ADAMTS17: variants seen among roughly 807,000 people sequenced by gnomAD.
ADAMTS17 encodes ADAM metallopeptidase with thrombospondin type 1 motif 17.
Under a neutral mutation model 141.5 loss-of-function variants are expected in ADAMTS17, and 113 were observed. That is an observed-to-expected ratio of 0.80 (90% CI 0.69 to 0.93). The LOEUF (loss-of-function observed/expected upper bound fraction) is 0.93, where lower values mean the gene tolerates loss of function less well. ADAMTS17 is among the 40% of genes least tolerant of loss of function. The pLI is 0.00. For missense variants in ADAMTS17, 1,659 were observed against 1,517.9 expected (o/e 1.09, Z -1.54); for synonymous variants, 768 against 630.6 (o/e 1.22, Z -3.27).
chr15:100,157,013 C>A (rs552725454), intron 8 of ADAMTS17, among the ~76,000 whole-genome samples: 33 of 152,306 alleles, frequency 2.2e-4, no homozygotes, highest in African/African-American at 7.2e-4. Flanking sequence ...AGGAAACTTA[C>A]AATCATGGCA....
intron 3 of ADAMTS17, among the ~76,000 whole-genome samples, chr15:100,301,144 A>G (rs548414676): frequency 5.9e-4 from 90 of 152,216 alleles, no homozygotes; most frequent in Non-Finnish European, 1.0e-3. Flanking sequence ...ACCACCTTTT[A>G]AGTTGTGTTT....
intron 10 of ADAMTS17, among the ~76,000 whole-genome samples, chr15:100,142,913 C>A (rs912883051): frequency 1.7e-4 from 26 of 152,170 alleles, no homozygotes; most frequent in Admixed American, 1.4e-3. Flanking sequence ...ACATGCACAC[C>A]TCGGGTCCTT....
chr15:100,262,538 A>G, intron 4 of ADAMTS17, 103 bp from the exon 5 acceptor site: 1 of 824,014 alleles, frequency 1.2e-6, no homozygotes, highest in Non-Finnish European at 1.9e-6. Context: ...AGATTATGTA[A>G]AAATAAGGAA....
chr15:100,009,445 T>A (rs2061113726), intron 18 of ADAMTS17, among the ~76,000 whole-genome samples: 1 of 152,192 alleles, frequency 6.6e-6, no homozygotes, highest in Admixed American at 6.5e-5. Context: ...CAGAAGGACC[T>A]GGACAGACCC....
chr15:100,210,972 G>C (rs2041782838), intron 7 of ADAMTS17, among the ~76,000 whole-genome samples: 1 of 152,054 alleles, frequency 6.6e-6, no homozygotes, highest in South Asian at 2.1e-4. Flanking sequence ...GTGGTGGCAG[G>C]CACCTGTAGT....
At chr15:100,009,555 TCA>T (rs1178573269) in intron 18 of ADAMTS17, among the ~76,000 whole-genome samples, 1 of 152,190 alleles carries the variant, frequency 6.6e-6, no homozygotes, top group Non-Finnish European at 1.5e-5. Flanking sequence ...TGCTCTCATG[TCA>T]CAGGCTTGTT....
intron 4 of ADAMTS17, among the ~76,000 whole-genome samples, chr15:100,278,147 GA>G (rs890657264): frequency 1.3e-5 from 2 of 152,118 alleles, no homozygotes; most frequent in African/African-American, 4.8e-5. Context: ...GGGGGAGAGG[GA>G]AAGGGGGAAG....
chr15:100,030,490 G>A (rs986216436), intron 18 of ADAMTS17, among the ~76,000 whole-genome samples: 1 of 152,142 alleles, frequency 6.6e-6, no homozygotes, highest in South Asian at 2.1e-4. Context: ...GGTCTGTAAT[G>A]AGCCACCTGG....
intron 8 of ADAMTS17, among the ~76,000 whole-genome samples, chr15:100,183,306 C>T (rs6598309): frequency 0.069 from 10,499 of 152,188 alleles, 540 homozygotes; most frequent in East Asian, 0.17. Context: ...CTGATACAAG[C>T]TTATATCTTC....
In ADAMTS17 at chr15:100,239,952, T is replaced by C. The variant is rs575020336; in HGVS notation, c.1075+14184A>G. Among the ~76,000 whole-genome samples the C allele has an allele frequency of 1.4e-4, 21 of 152,248 alleles. No homozygotes were observed. The East Asian group carries it at 4.1e-3, about 29-fold the overall frequency. On this transcript the variant is annotated intron_variant, in intron 7 of 21. Transcript: ENST00000268070. ...GAGGTGGTCTCCAGGTGAAAACCTTTACCTGATGTCCTGCTACCAGATGTC... is the reference window on the plus strand; with the variant it reads ...GAGGTGGTCTCCAGGTGAAAACCTTCACCTGATGTCCTGCTACCAGATGTC...
At chr15:100,082,590 G>C (rs2034819326) in intron 15 of ADAMTS17, among the ~76,000 whole-genome samples, 1 of 151,972 alleles carries the variant, frequency 6.6e-6, no homozygotes, top group Non-Finnish European at 1.5e-5. Flanking sequence ...GTTTCGCCAT[G>C]TTGCTCAGGC....
intron 12 of ADAMTS17, among the ~76,000 whole-genome samples, chr15:100,124,699 G>A (rs28477607): frequency 0.022 from 3,377 of 152,310 alleles, 113 homozygotes; most frequent in African/African-American, 0.078. Context: ...GTGCTTCTTT[G>A]TATATTCTAC....
intron 15 of ADAMTS17, among the ~76,000 whole-genome samples, chr15:100,068,667 T>A (rs140038907): frequency 0.042 from 6,313 of 152,106 alleles, 454 homozygotes; most frequent in African/African-American, 0.14. Flanking sequence ...TCCAGCAAAA[T>A]CCAACAGACC....
intron 3 of ADAMTS17, among the ~76,000 whole-genome samples, chr15:100,320,416 T>G (rs1162018454): frequency 6.6e-6 from 1 of 152,038 alleles, no homozygotes; most frequent in Non-Finnish European, 1.5e-5. Context: ...TTACACAGAA[T>G]CTAAAATCAG....
At chr15:100,239,845 G>T (rs903536184) in intron 7 of ADAMTS17, among the ~76,000 whole-genome samples, 2 of 152,158 alleles carry the variant, frequency 1.3e-5, no homozygotes, top group Non-Finnish European at 2.9e-5. Flanking sequence ...CCCTGGAGTG[G>T]AGGGATGGTG....
At chr15:100,091,623 G>A (rs920918856) in intron 15 of ADAMTS17, among the ~76,000 whole-genome samples, 2 of 152,160 alleles carry the variant, frequency 1.3e-5, no homozygotes, top group African/African-American at 4.8e-5. Flanking sequence ...TTCTCAAGTA[G>A]ACTTGCTGTG....
At chr15:100,303,527 C>T (rs1218165515) in intron 3 of ADAMTS17, among the ~76,000 whole-genome samples, 3 of 151,950 alleles carry the variant, frequency 2.0e-5, no homozygotes, top group Non-Finnish European at 4.4e-5. Context: ...TGTAAGAAAC[C>T]ATCGCCTAAA....
intron 16 of ADAMTS17, among the ~76,000 whole-genome samples, chr15:100,053,358 G>C (rs2073905613): frequency 6.6e-6 from 1 of 152,168 alleles, no homozygotes; most frequent in African/African-American, 2.4e-5. Flanking sequence ...CAGGTTTCTG[G>C]AGGTCACCTG....
chr15:100,051,589 C>G lies in ADAMTS17; in HGVS notation c.2438G>C (p.Ser813Thr), dbSNP rs148665497. 3.7e-5 allele frequency: 59 copies of G among 1,613,832 alleles called. No individual in the cohort carries two copies. The African/African-American group carries it at 7.2e-4, about 20-fold the overall frequency. Residue 813 changes from serine to threonine, a missense_variant, in exon 17 of 22, where the codon AGT (serine) becomes ACT (threonine). Ser to Thr is a moderately conservative substitution (Grantham distance 58). Transcript: ENST00000268070. ...CCACTCACCTCCGCCGCACTGCACA[C>G]TGCACCCTTCCCAGCCGCTGTGGGT... is the stretch of plus-strand genomic sequence containing the variant. ...IWTHSGWEGC[S>T]VQCGGGERRT...
Sources: allele counts gnomAD v4.1 joint callset (sites outside exome capture counted in the v4.1 genomes callset), GRCh38; gene constraint gnomAD v4.1.1; transcripts MANE v1.5; gene names NCBI Gene and HGNC (gene_info 2026-07-23, HGNC 2026-07-21).